Variants in MPHOSPH9 observed in about 807,000 individuals in gnomAD.
MPHOSPH9 encodes M-phase phosphoprotein 9.
Under a neutral mutation model 145.5 loss-of-function variants are expected in MPHOSPH9, and 88 were observed. The observed-to-expected ratio is 0.60, with a 90% CI of 0.51 to 0.72. The LOEUF is 0.72. Ranked by LOEUF, MPHOSPH9 falls within the 30% of genes least tolerant of loss-of-function variation. The pLI is 0.00. For synonymous variants in MPHOSPH9, 435 were observed against 486.2 expected, an observed-to-expected ratio of 0.89 and a Z score of 1.39; for missense variants, 1,238 against 1,386.6, an observed-to-expected ratio of 0.89 and a Z score of 1.70.
intron 7 of MPHOSPH9, 56 bp from the exon 8 acceptor site, chr12:123,210,218 T>C: frequency 9.9e-7 from 1 of 1,008,566 alleles, no homozygotes. Context: ...AAAAATGCTT[T>C]CTAGAATAAC....
chr12:123,203,607 C>A (rs1483778108), intron 8 of MPHOSPH9, among the ~76,000 whole-genome samples: 1 of 152,118 alleles, frequency 6.6e-6, no homozygotes, highest in Admixed American at 6.6e-5. Context: ...ATAATGTGAA[C>A]ATTAATTATT....
chr12:123,218,300 T>C (rs2047055551), intron 6 of MPHOSPH9, 76 bp downstream of exon 6: 1 of 1,537,174 alleles, frequency 6.5e-7, no homozygotes, highest in Non-Finnish European at 8.8e-7. Flanking sequence ...GGCACAAGAG[T>C]TTTGTTCATG....
intron 13 of MPHOSPH9, among the ~76,000 whole-genome samples, chr12:123,187,405 C>T (rs938543320): frequency 3.7e-4 from 56 of 152,190 alleles, no homozygotes; most frequent in African/African-American, 1.1e-3. Context: ...ATTTAAACCA[C>T]GTTCATGTAT....
chr12:123,166,355 G>A (rs906608598), intron 17 of MPHOSPH9: 9 of 333,358 alleles, frequency 2.7e-5, no homozygotes, highest in Admixed American at 1.5e-4. Flanking sequence ...GATCCTCCAC[G>A]TTGGCCTCCC....
At chr12:123,239,873 T>G (rs370620116) in intron 1 of MPHOSPH9, among the ~76,000 whole-genome samples, 4 of 152,162 alleles carry the variant, frequency 2.6e-5, no homozygotes, top group Non-Finnish European at 5.9e-5. Flanking sequence ...CTTGGGACGA[T>G]TTCCTTGCCC....
In MPHOSPH9 at chr12:123,218,511, G is replaced by A. The variant is rs752753371; in HGVS notation, c.873-12C>T. The A allele has an allele frequency of 6.2e-6, 10 of 1,606,418 alleles. No homozygotes were observed. Among genetic ancestry groups the A allele is most frequent in the Admixed American group, 5.1e-5 (3 of 58,554 alleles). Reference sequence around the variant, plus strand: ...ATGTTATAGCATTACTATTTAAGAAGAGAAAACCAAAATTACTTTTTTTTT... The same window carrying A: ...ATGTTATAGCATTACTATTTAAGAAAAGAAAACCAAAATTACTTTTTTTTT... On this transcript the variant is annotated splice_polypyrimidine_tract_variant and intron_variant, in intron 5 of 23. Coordinates refer to ENST00000606320, the MANE Select transcript of MPHOSPH9 (RefSeq NM_022782.4).
At chr12:123,181,041 C>T in intron 14 of MPHOSPH9, 122 bp downstream of exon 14, 2 of 857,942 alleles carry the variant, frequency 2.3e-6, no homozygotes, top group South Asian at 2.9e-5. Flanking sequence ...AGCAAGGTTC[C>T]AGTTCAACAG....
intron 7 of MPHOSPH9, among the ~76,000 whole-genome samples, chr12:123,210,813 G>A (rs1367981719): frequency 1.3e-5 from 2 of 151,840 alleles, no homozygotes; most frequent in African/African-American, 4.8e-5. Context: ...CTTTTTTTGA[G>A]ACAGAGTCTC....
Position 123,176,738 on chromosome 12 carries a change from C to T in MPHOSPH9, c.2406G>A (p.Met802Ile). 4 of 1,614,008 alleles carry T rather than the reference C, an allele frequency of 2.5e-6. No individual in the cohort carries two copies. The highest frequency in any genetic ancestry group is 3.4e-6 in the Non-Finnish European group (4 of 1,179,972). The change falls in exon 16 of 24, where the codon ATG becomes ATA. Residue 802 changes from methionine (M) to isoleucine (I), a missense_variant. Physicochemically the swap from Met to Ile is conservative, Grantham distance 10. Transcript: ENST00000606320. ...TTCTAGAATTATGACGAAGGCTTAACATATTTTCATGTTCTACTTGCTTGA... is the reference window on the plus strand; with the variant it reads ...TTCTAGAATTATGACGAAGGCTTAATATATTTTCATGTTCTACTTGCTTGA... ...AQVKQVEHEN[M>I]LSLRHNSRIH...
chr12:123,194,477 A>C lies in MPHOSPH9; in HGVS notation c.2150T>G (p.Leu717Arg). ...DNTIIRLKSR[L>R]QDLEEAFENA... ...CTCAAATGCTTCTTCTAAATCTTGC[A>C]GTCTAGATTTTAGTCGAATGATGGT... Residue 717 changes from leucine to arginine, a missense_variant, in exon 13 of 24, where the codon CTG becomes CGG. Coordinates refer to ENST00000606320, the MANE Select transcript of MPHOSPH9 (RefSeq NM_022782.4). The C allele has an allele frequency of 6.2e-7, 1 of 1,610,950 alleles. No individual in the cohort carries two copies. The highest frequency in any genetic ancestry group is 8.5e-7 in the Non-Finnish European group (1 of 1,178,456).
At chr12:123,198,680 T>C (rs1478308214) in intron 11 of MPHOSPH9, among the ~76,000 whole-genome samples, 3 of 151,420 alleles carry the variant, frequency 2.0e-5, no homozygotes, top group Non-Finnish European at 4.4e-5. Context: ...CATGGTGGCA[T>C]GTGCCTGTAG....
Position 123,226,153 on chromosome 12 carries a change from CTT to C in MPHOSPH9, c.258+1308_258+1309del, listed in dbSNP as rs139053381. The C allele has an allele frequency of 2.2e-3, 399 of 179,660 alleles. 2 individuals carry two copies. The highest frequency in any genetic ancestry group is 9.1e-3 in the African/African-American group (385 of 42,234). The allele number at this position is 179,660 out of a possible 1,614,324, so 11.1% of individuals were successfully genotyped here. On this transcript the variant is annotated intron_variant, in intron 3 of 23. Coordinates refer to ENST00000606320, the MANE Select transcript of MPHOSPH9 (RefSeq NM_022782.4). ...CATTTGCATGGGCATTTTTAAAGGT[CTT>C]TCACGTTAGTGCATACTGATTATTA...
chr12:123,207,262 T>C (rs779193477), intron 8 of MPHOSPH9, among the ~76,000 whole-genome samples: 6 of 151,304 alleles, frequency 4.0e-5, no homozygotes, highest in Non-Finnish European at 7.4e-5. Context: ...AAATGCAGTA[T>C]CCACTTACTG....
At chr12:123,210,024 C>A (rs1235367324) in intron 8 of MPHOSPH9, 32 bp downstream of exon 8, 7 of 1,529,028 alleles carry the variant, frequency 4.6e-6, no homozygotes, top group Non-Finnish European at 6.3e-6. Flanking sequence ...GCGTAAGCCA[C>A]CGCGCCCGGC....
chr12:123,153,975 C>T (rs979840356), downstream of MPHOSPH9, among the ~76,000 whole-genome samples: 4 of 152,158 alleles, frequency 2.6e-5, no homozygotes, highest in African/African-American at 9.7e-5. Flanking sequence ...CCAAGTCTCT[C>T]CTTTCTTGTC....
chr12:123,217,543 T>C (rs374690232), intron 6 of MPHOSPH9, among the ~76,000 whole-genome samples: 1 of 152,146 alleles, frequency 6.6e-6, no homozygotes, highest in Admixed American at 6.6e-5. Flanking sequence ...AATAATAATA[T>C]AAATTATTTG....
intron 13 of MPHOSPH9, 116 bp from the exon 14 acceptor site, chr12:123,181,326 A>G: frequency 1.3e-6 from 1 of 772,372 alleles, no homozygotes; most frequent in African/African-American, 1.7e-5. Context: ...GTCATGAAAG[A>G]GAAAGGTCAA....
intron 1 of MPHOSPH9, among the ~76,000 whole-genome samples, chr12:123,242,009 G>C (rs2047947118): frequency 6.6e-6 from 1 of 152,174 alleles, no homozygotes; most frequent in Non-Finnish European, 1.5e-5. Flanking sequence ...CATGTATCCT[G>C]TTTGTGCTTG....
chr12:123,209,108 T>C (rs1047812846), intron 8 of MPHOSPH9, among the ~76,000 whole-genome samples: 1 of 151,576 alleles, frequency 6.6e-6, no homozygotes, highest in Non-Finnish European at 1.5e-5. Flanking sequence ...AATTTTTGGG[T>C]TTTTAGTAGA....
Sources: gnomAD v4.1 joint callset for allele counts (sites outside exome capture counted in the v4.1 genomes callset) on GRCh38, gnomAD v4.1.1 for gene constraint, MANE v1.5 for transcripts, NCBI Gene and HGNC (gene_info 2026-07-23, HGNC 2026-07-21) for gene names.